KIF5A: variants seen among roughly 807,000 people sequenced by gnomAD.
KIF5A encodes the protein kinesin family member 5A.
Under a neutral mutation model 141.3 loss-of-function variants are expected in KIF5A, and 35 were observed. The ratio of observed to expected loss-of-function variants is 0.25; its 90% CI spans 0.19 to 0.33. The LOEUF is 0.33. Among genes scored for constraint, KIF5A ranks in the 10% least tolerant of loss-of-function variants. The probability of loss-of-function intolerance (pLI) is 1.00; values close to 1 mark genes in which losing one functional copy is unlikely to be tolerated. For missense variants in KIF5A, 861 were observed against 1,314.3 expected, an observed-to-expected ratio of 0.66 and a Z score of 5.33; for synonymous variants, 448 against 500.2, an observed-to-expected ratio of 0.90 and a Z score of 1.39.
rs1161092929 is a variant in KIF5A at position 57,550,355 on chromosome 12, C to A, written c.84C>A (p.Asp28Glu). The A allele has an allele frequency of 1.2e-6, 2 of 1,614,054 alleles. No homozygotes were observed. The highest frequency in any genetic ancestry group is 1.7e-6 in the Non-Finnish European group (2 of 1,180,006). The change falls in exon 1 of 29, where the codon GAC (aspartate) becomes GAA (glutamate). Residue 28 changes from aspartate (D) to glutamate (E), a missense_variant. Physicochemically the swap from Asp to Glu is conservative, Grantham distance 45. Coordinates refer to ENST00000455537, the MANE Select transcript of KIF5A (RefSeq NM_004984.4). This position sits in a 1 kb window ranked among gnomAD's most constrained non-coding sequence, Gnocchi z 4.6. Reference sequence around the variant, plus strand: ...ACCAGGCTGAGATTCTGCGGGGAGACAAGTTCATCCCCATTTTCCAAGGGG... The same window carrying A: ...ACCAGGCTGAGATTCTGCGGGGAGAAAAGTTCATCCCCATTTTCCAAGGGG... Reference protein sequence around the residue: ...PLNQAEILRGDKFIPIFQGDD... With the variant: ...PLNQAEILRGEKFIPIFQGDD...
At chr12:57,561,007 G>A (rs1179821752) in intron 1 of KIF5A, among the ~76,000 whole-genome samples, 3 of 151,974 alleles carry the variant, frequency 2.0e-5, no homozygotes, top group African/African-American at 7.2e-5. Context: ...GAAAAGAAAA[G>A]AAAATAGAGA....
At position 57,581,401 on chromosome 12, in the gene KIF5A, T is replaced by C. The variant is rs746607425; in HGVS notation, c.2756-14T>C. ...TCATAGCCTCCTCATGGTTGTTTTC[T>C]TTCTTTATTGCAGCCAAACCCGTCC... On this transcript the variant is annotated splice_polypyrimidine_tract_variant and intron_variant, in intron 24 of 28. Coordinates refer to ENST00000455537, the MANE Select transcript of KIF5A (RefSeq NM_004984.4). 10 of 1,613,492 alleles carry C rather than the reference T, an allele frequency of 6.2e-6. No individual in the cohort carries two copies. The East Asian group carries it at 2.0e-4, about 32-fold the overall frequency.
rs2140150135 is a variant in KIF5A at position 57,550,328 on chromosome 12, G to A, written c.57G>A (p.Leu19=). Residue 19 remains leucine (L), a synonymous_variant, in exon 1 of 29, where the codon CTG becomes CTA. Coordinates refer to ENST00000455537, the MANE Select transcript of KIF5A (RefSeq NM_004984.4). This position sits in a 1 kb window ranked among gnomAD's most constrained non-coding sequence, Gnocchi z 4.6. ...AGGTGCTCTGCCGATTCCGGCCCCT[G>A]AACCAGGCTGAGATTCTGCGGGGAG... ...SIKVLCRFRP[L]NQAEILRGDK... 1 of 1,614,222 alleles carries A rather than the reference G, an allele frequency of 6.2e-7. No homozygotes were observed. Among genetic ancestry groups the A allele is most frequent in the Non-Finnish European group, 8.5e-7 (1 of 1,180,032 alleles).
intron 12 of KIF5A, among the ~76,000 whole-genome samples, chr12:57,570,396 G>A (rs904644041): frequency 9.2e-5 from 14 of 152,128 alleles, no homozygotes; most frequent in African/African-American, 3.4e-4. Context: ...GAGTTATACT[G>A]TATAAGTAAT....
intron 1 of KIF5A, among the ~76,000 whole-genome samples, chr12:57,557,033 C>T (rs952501968): frequency 2.6e-5 from 4 of 152,034 alleles, no homozygotes; most frequent in African/African-American, 9.7e-5. Context: ...ACAATTCCAC[C>T]CCTCATCAAC....
intron 13 of KIF5A, 30 bp downstream of exon 13, chr12:57,571,419 G>A (rs1252290021): frequency 5.0e-6 from 8 of 1,611,686 alleles, no homozygotes; most frequent in South Asian, 1.1e-5. Context: ...GACATGAGAG[G>A]AAAGGGGTTC....
rs112609890 is a variant in KIF5A, at chr12:57,571,711, A to T, written c.1362+322A>T. Among the ~76,000 whole-genome samples the T allele has an allele frequency of 8.1e-3, 1,228 of 152,164 alleles. 20 individuals carry two copies. Among genetic ancestry groups the T allele is most frequent in the African/African-American group, 0.028 (1,171 of 41,486 alleles). On this transcript the variant is annotated intron_variant, in intron 13 of 28. Coordinates refer to ENST00000455537, the MANE Select transcript of KIF5A (RefSeq NM_004984.4). ...CAGCCCCCTAAGTAGCTGGGACTAC[A>T]AGTGCACCACCACACATGGCTAATT...
At position 57,563,666 on chromosome 12, in the gene KIF5A, A is replaced by T; in HGVS notation, c.264A>T (p.Thr88=). The T allele has an allele frequency of 6.2e-7, 1 of 1,614,148 alleles. No individual in the cohort carries two copies. Among genetic ancestry groups the T allele is most frequent in the East Asian group, 2.2e-5 (1 of 44,892 alleles). ...GCACCATTTTTGCTTATGGACAGAC[A>T]TCCTCAGGGAAAACACATACCATGG... The part of the protein sequence containing the change: ...YNGTIFAYGQ[T]SSGKTHTMEG... Residue 88 remains threonine, a synonymous_variant, in exon 3 of 29, where the codon ACA becomes ACT. Transcript: ENST00000455537.
chr12:57,572,576 C>T lies in KIF5A; in HGVS notation c.1570-4C>T. 6.2e-7 allele frequency: 1 copy of T among 1,614,214 alleles called. No individual in the cohort carries two copies. Among genetic ancestry groups the T allele is most frequent in the African/African-American group, 1.3e-5 (1 of 75,056 alleles). ...ACAGGAATGACCTGAGGGGCTGTCC[C>T]CAGGCCACCATGCTGTCCCTGGAGT... On this transcript the variant is annotated splice_polypyrimidine_tract_variant and splice_region_variant and intron_variant, in intron 14 of 28. Transcript: ENST00000455537. The surrounding 1 kb of genome is among the most constrained non-coding windows in gnomAD (Gnocchi z 4.2).
Position 57,583,167 on chromosome 12 carries a change from A to G in KIF5A, c.3087A>G (p.Thr1029=). Residue 1029 remains threonine, a synonymous_variant, in exon 28 of 29, where the codon ACA becomes ACG. Coordinates refer to ENST00000455537, the MANE Select transcript of KIF5A (RefSeq NM_004984.4). Reference sequence around the variant, plus strand: ...AGCTTTTCCCTCTCCACCAAGAGACAGCAGCCAGCTAATCTCCCACACCCA... The same window carrying G: ...AGCTTTTCCCTCTCCACCAAGAGACGGCAGCCAGCTAATCTCCCACACCCA... ...QAKLFPLHQE[T]AAS 6.2e-7 allele frequency: 1 copy of G among 1,613,830 alleles called. No homozygotes were observed. The highest frequency in any genetic ancestry group is 8.5e-7 in the Non-Finnish European group (1 of 1,179,906).
intron 1 of KIF5A, among the ~76,000 whole-genome samples, chr12:57,552,420 G>A (rs960794425): frequency 1.3e-5 from 2 of 152,146 alleles, no homozygotes; most frequent in Non-Finnish European, 2.9e-5. Flanking sequence ...TCCACAGCTG[G>A]ATCTTCCTTG....
Position 57,569,528 on chromosome 12 carries a change from C to T in KIF5A, c.969-7C>T. On this transcript the variant is annotated splice_region_variant and splice_polypyrimidine_tract_variant and intron_variant, in intron 10 of 28. Transcript: ENST00000455537. The stretch of plus-strand genomic sequence containing the variant: ...CTCATTTCTTTGTTCCTCTTCTCCT[C>T]ACCCAGGGCAAAGACCATTAAGAAC... 1 of 1,614,126 alleles carries T rather than the reference C, an allele frequency of 6.2e-7. No individual in the cohort carries two copies. Among genetic ancestry groups the T allele is most frequent in the African/African-American group, 1.3e-5 (1 of 75,030 alleles).
At chr12:57,558,134 T>G (rs574810519) in intron 1 of KIF5A, among the ~76,000 whole-genome samples, 10 of 152,320 alleles carry the variant, frequency 6.6e-5, no homozygotes, top group African/African-American at 2.4e-4. Context: ...AGCCTGGGTG[T>G]GGTGGCTCAT....
intron 23 of KIF5A, among the ~76,000 whole-genome samples, chr12:57,580,259 C>T (rs545755931): frequency 1.2e-4 from 18 of 152,296 alleles, no homozygotes; most frequent in Admixed American, 9.2e-4. Flanking sequence ...GAAGTCTTTT[C>T]GGGCTGCAGG....
chr12:57,550,731 C>T lies in KIF5A; in HGVS notation c.129+331C>T, dbSNP rs1881546198. On this transcript the variant is annotated intron_variant, in intron 1 of 28. Transcript: ENST00000455537. The surrounding 1 kb of genome is among the most constrained non-coding windows in gnomAD (Gnocchi z 4.6). ...TTCCCCTTCTCCACCACCCGCTCCC[C>T]AAGAGAAAGCGCATCTTCCCTTTGT... Among the ~76,000 whole-genome samples, 1 of 152,188 alleles carries T rather than the reference C, an allele frequency of 6.6e-6. No individual in the cohort carries two copies. Among genetic ancestry groups the T allele is most frequent in the East Asian group, 1.9e-4 (1 of 5,184 alleles).
In KIF5A at chr12:57,578,088, C is replaced by T; in HGVS notation, c.2433+8C>T. ...ACGACTCGAGTCAAGAAAGTGAGTG[C>T]TGTCCTTGGGGTTTTGTCAGCCCCC... On this transcript the variant is annotated splice_region_variant and intron_variant, in intron 22 of 28. Transcript: ENST00000455537. 1 of 1,612,880 alleles carries T rather than the reference C, an allele frequency of 6.2e-7. No homozygotes were observed. Among genetic ancestry groups the T allele is most frequent in the African/African-American group, 1.3e-5 (1 of 75,016 alleles).
At chr12:57,576,214 A>G (rs1882419483) in intron 18 of KIF5A, 55 bp from the exon 19 acceptor site, 1 of 1,609,826 alleles carries the variant, frequency 6.2e-7, no homozygotes, top group Non-Finnish European at 8.5e-7. Context: ...GCTGGCCCTC[A>G]CAGAGCTTGT....
In KIF5A at chr12:57,575,257, G is replaced by A. The variant is rs1401764909; in HGVS notation, c.1890G>A (p.Gln630=). The A allele has an allele frequency of 3.7e-6, 6 of 1,613,228 alleles. No individual in the cohort carries two copies. The highest frequency in any genetic ancestry group is 2.2e-5 in the South Asian group (2 of 90,876). Residue 630 remains glutamine (Q), a synonymous_variant, in exon 16 of 29, where the codon CAG becomes CAA. Coordinates refer to ENST00000455537, the MANE Select transcript of KIF5A (RefSeq NM_004984.4). ...EVTGRELSSC[Q]LLISQHEAKI... The stretch of plus-strand genomic sequence containing the variant: ...CCGGGCGGGAGCTCTCATCCTGCCA[G>A]CTCCTCATCTCTCAGGTGAGTGCCT...
chr12:57,552,532 CG>C (rs199884127), intron 1 of KIF5A, among the ~76,000 whole-genome samples: 5 of 152,040 alleles, frequency 3.3e-5, no homozygotes, highest in Admixed American at 1.3e-4. Context: ...TAAATGCTTA[CG>C]GGGGGGCCAT....
Sources: allele counts gnomAD v4.1 joint callset (sites outside exome capture counted in the v4.1 genomes callset), GRCh38; gene constraint gnomAD v4.1.1; non-coding constraint Gnocchi (gnomAD v3.1); transcripts MANE v1.5; gene names NCBI Gene and HGNC (gene_info 2026-07-23, HGNC 2026-07-21).